Variants in PYGO2 observed in about 807,000 individuals in gnomAD.
PYGO2 encodes pygopus family PHD finger 2, also known as pygopus homolog 2.
PYGO2 carries 9 observed loss-of-function variants against 26.7 expected under a neutral mutation model. The ratio of observed to expected loss-of-function variants is 0.34; its 90% CI spans 0.20 to 0.59. The LOEUF is 0.59. Ranked by LOEUF, PYGO2 falls within the 20% of genes least tolerant of loss-of-function variation. The pLI is 0.84. For missense variants in PYGO2, 538 were observed against 561.5 expected (o/e 0.96, Z 0.42); for synonymous variants, 236 against 219.0 (o/e 1.08, Z -0.68).
In PYGO2 at chr1:154,958,772, A is replaced by G; in HGVS notation, c.*7T>C. 6.2e-7 allele frequency: 1 copy of G among 1,608,484 alleles called. No homozygotes were observed. Among genetic ancestry groups the G allele is most frequent in the East Asian group, 2.2e-5 (1 of 44,708 alleles). ...CATGTGCACTTCCCTGGGCCACTTC[A>G]CCAGCGTCACCCATCGTTAGCAGCC... On this transcript the variant is annotated 3_prime_UTR_variant, in exon 3 of 3. Transcript: ENST00000368457.
chr1:154,959,256 G>T lies in PYGO2; in HGVS notation c.744C>A (p.Asp248Glu), dbSNP rs201563839. ...PPNTSPFPGPDPGFPGPGGED... is the reference protein window; with the variant it reads ...PPNTSPFPGPEPGFPGPGGED... ...CACCACCAGGGCCAGGAAAGCCAGGGTCCGGACCAGGAAAGGGACTTGTGT... is the reference window on the plus strand; with the variant it reads ...CACCACCAGGGCCAGGAAAGCCAGGTTCCGGACCAGGAAAGGGACTTGTGT... The change falls in exon 3 of 3, where the codon GAC (aspartate) becomes GAA (glutamate). Residue 248 changes from aspartate (D) to glutamate (E), a missense_variant. Asp to Glu is a conservative substitution (Grantham distance 45, BLOSUM62 2). Transcript: ENST00000368457. This position sits in a 1 kb window ranked among gnomAD's most constrained non-coding sequence, Gnocchi z 4.7. 1.3e-6 allele frequency: 2 copies of T among 1,569,386 alleles called. No homozygotes were observed. The highest frequency in any genetic ancestry group is 1.9e-5 in the Admixed American group (1 of 53,218).
In PYGO2 at chr1:154,959,126, G is replaced by A; in HGVS notation, c.874C>T (p.Pro292Ser). 1 of 1,601,418 alleles carries A rather than the reference G, an allele frequency of 6.2e-7. No individual in the cohort carries two copies. The highest frequency in any genetic ancestry group is 8.5e-7 in the Non-Finnish European group (1 of 1,172,630). The change falls in exon 3 of 3, where the codon CCC becomes TCC. Residue 292 changes from proline to serine, a missense_variant. By Grantham distance (74) the Pro-to-Ser change is moderately conservative. Transcript: ENST00000368457. The surrounding 1 kb of genome is among the most constrained non-coding windows in gnomAD (Gnocchi z 4.7). ...CCACCCCGCCCACTGCTGTTCGGGG[G>A]GAAACTGGGCTGGTTCCCATTAACA... ...AAVNGNQPSF[P>S]PNSSGRGGGT...
At position 154,958,926 on chromosome 1, in the gene PYGO2, G is replaced by C; in HGVS notation, c.1074C>G (p.Cys358Trp). ...CATAGGCGCTCTCAGTCATGCCTGT[G>C]CACTCACGGTGGAACCATTTCTGGC... The part of the protein sequence containing the change: ...ASCQKWFHRE[C>W]TGMTESAYGL... Residue 358 changes from cysteine (C) to tryptophan (W), a missense_variant, in exon 3 of 3, where the codon TGC (cysteine) becomes TGG (tryptophan). Physicochemically the swap from Cys to Trp is radical, Grantham distance 215 (BLOSUM62 -2). Around this residue, in one of 4 missense-constraint regions of PYGO2, gnomAD observed 72 missense variants for 111.9 expected, o/e 0.64. Coordinates refer to ENST00000368457, the MANE Select transcript of PYGO2 (RefSeq NM_138300.4). 6.2e-7 allele frequency: 1 copy of C among 1,614,060 alleles called. No homozygotes were observed. The highest frequency in any genetic ancestry group is 8.5e-7 in the Non-Finnish European group (1 of 1,180,046).
At position 154,957,657 on chromosome 1, in the gene PYGO2, CTAAT is replaced by C. The variant is rs765675510; in HGVS notation, c.*1118_*1121del. 8 of 152,560 alleles carry C rather than the reference CTAAT, an allele frequency of 5.2e-5. No individual in the cohort carries two copies. Among genetic ancestry groups the C allele is most frequent in the Non-Finnish European group, 8.8e-5 (6 of 68,036 alleles). 9.5% of individuals were successfully genotyped at this position (152,560 alleles called of 1,614,324 possible). A position where few individuals can be genotyped will look rare whatever the true frequency, so the allele number is the denominator to read the frequency against. On this transcript the variant is annotated 3_prime_UTR_variant, in exon 3 of 3. Coordinates refer to ENST00000368457, the MANE Select transcript of PYGO2 (RefSeq NM_138300.4). The stretch of plus-strand genomic sequence containing the variant: ...CTTTGGCTGAGAGGAATGAGAATTG[CTAAT>C]TAATCACCAGGCCCAAGAGGATATG...
At position 154,958,665 on chromosome 1, in the gene PYGO2, G is replaced by A. The variant is rs1655249899; in HGVS notation, c.*114C>T. The A allele has an allele frequency of 1.2e-6, 1 of 847,996 alleles. No individual in the cohort carries two copies. The highest frequency in any genetic ancestry group is 1.7e-5 in the African/African-American group (1 of 59,118). 52.5% of individuals were successfully genotyped at this position (847,996 alleles called of 1,614,324 possible). On this transcript the variant is annotated 3_prime_UTR_variant, in exon 3 of 3. Transcript: ENST00000368457. ...TCTGCTCCCAGGAGCCACTGTTTCTGCCCCATGGGGATGGAAAGCCAGTGG... is the reference window on the plus strand; with the variant it reads ...TCTGCTCCCAGGAGCCACTGTTTCTACCCCATGGGGATGGAAAGCCAGTGG...
rs1655234882 is a variant in PYGO2 at position 154,957,928 on chromosome 1, G to C, written c.*851C>G. 6.5e-6 allele frequency: 1 copy of C among 152,742 alleles called. No homozygotes were observed. Among genetic ancestry groups the C allele is most frequent in the Non-Finnish European group, 1.5e-5 (1 of 68,044 alleles). The allele number at this position is 152,742 out of a possible 1,614,324, so 9.5% of individuals were successfully genotyped here. A position where few individuals can be genotyped will look rare whatever the true frequency, so the allele number is the denominator to read the frequency against. ...AACACACGGAGTATAATGTGCAACA[G>C]ATGGGCTGGGGGAGGAGGGTACCAC... On this transcript the variant is annotated 3_prime_UTR_variant, in exon 3 of 3. Coordinates refer to ENST00000368457, the MANE Select transcript of PYGO2 (RefSeq NM_138300.4).
rs1192994276 is a variant in PYGO2 at position 154,961,713 on chromosome 1, C to T, written c.-137G>A. ...CACAAAGTGCGACGACAGGGAAGCG[C>T]CGAGCCGCCGCGCAAACTGCGCGCT... is the stretch of plus-strand genomic sequence containing the variant. On this transcript the variant is annotated 5_prime_UTR_variant, in exon 1 of 3. Coordinates refer to ENST00000368457, the MANE Select transcript of PYGO2 (RefSeq NM_138300.4). 4.6e-6 allele frequency: 2 copies of T among 435,724 alleles called. No individual in the cohort carries two copies. The highest frequency in any genetic ancestry group is 4.1e-5 in the African/African-American group (2 of 48,626). The allele number at this position is 435,724 out of a possible 1,614,324, so 27.0% of individuals were successfully genotyped here. A position where few individuals can be genotyped will look rare whatever the true frequency, so the allele number is the denominator to read the frequency against.
At chr1:154,961,110 C>T (rs1655345401) in intron 1 of PYGO2, 84 bp from the exon 2 acceptor site, 1 of 1,277,516 alleles carries the variant, frequency 7.8e-7, no homozygotes, top group African/African-American at 1.5e-5. Flanking sequence ...CTCTGAGGAA[C>T]TCCTTTAACG....
Position 154,959,989 on chromosome 1 carries a change from G to A in PYGO2, c.154-143C>T. ...AAAATCAATATGGACCACAGGCCAG[G>A]TGCGGTGGCTCACGCCTGTAATCCC... On this transcript the variant is annotated intron_variant, in intron 2 of 2. Transcript: ENST00000368457. The surrounding 1 kb of genome is among the most constrained non-coding windows in gnomAD (Gnocchi z 4.7). 6.6e-6 allele frequency: 3 copies of A among 456,270 alleles called. No individual in the cohort carries two copies. Among genetic ancestry groups the A allele is most frequent in the Non-Finnish European group, 1.1e-5 (3 of 277,784 alleles). The allele number at this position is 456,270 out of a possible 1,614,324, so 28.3% of individuals were successfully genotyped here.
rs759786557 is a variant in PYGO2, at chr1:154,959,019, C to G, written c.981G>C (p.Val327=). The G allele has an allele frequency of 6.2e-7, 1 of 1,613,866 alleles. No individual in the cohort carries two copies. The highest frequency in any genetic ancestry group is 2.2e-5 in the East Asian group (1 of 44,884). ...CACTCCGACAGGCACCACATGGGTA[C>G]ACCAAGCCTGGGGGAGGCTGGGGCC... is the stretch of plus-strand genomic sequence containing the variant. The part of the protein sequence containing the change: ...GSGPQPPPGL[V]YPCGACRSEV... Residue 327 remains valine, a synonymous_variant, in exon 3 of 3, where the codon GTG becomes GTC. Coordinates refer to ENST00000368457, the MANE Select transcript of PYGO2 (RefSeq NM_138300.4). This position sits in a 1 kb window ranked among gnomAD's most constrained non-coding sequence, Gnocchi z 4.7.
chr1:154,961,724 C>G lies in PYGO2; in HGVS notation c.-148G>C. 2.3e-6 allele frequency: 1 copy of G among 433,974 alleles called. No homozygotes were observed. 26.9% of individuals were successfully genotyped at this position (433,974 alleles called of 1,614,324 possible). On this transcript the variant is annotated 5_prime_UTR_variant, in exon 1 of 3. Coordinates refer to ENST00000368457, the MANE Select transcript of PYGO2 (RefSeq NM_138300.4). ...ACGACAGGGAAGCGCCGAGCCGCCG[C>G]GCAAACTGCGCGCTCTCTCCAGACT...
rs945965134 is a variant in PYGO2 at position 154,957,081 on chromosome 1, C to G, written c.*1698G>C. On this transcript the variant is annotated 3_prime_UTR_variant, in exon 3 of 3. Transcript: ENST00000368457. ...CAGTACAAAAGACCCCCACCACCAC[C>G]GCATTCTGCCATCACTTTGTTCCAA... 1.3e-5 allele frequency: 2 copies of G among 152,456 alleles called. No homozygotes were observed. The highest frequency in any genetic ancestry group is 4.1e-4 in the South Asian group (2 of 4,832). The allele number at this position is 152,456 out of a possible 1,614,324, so 9.4% of individuals were successfully genotyped here.
rs146000501 is a variant in PYGO2 at position 154,961,372 on chromosome 1, T to A, written c.103+102A>T. ...CCATCCTTTTCACCTGAGCCTCCCT[T>A]CAAGCCTTCAGACTGTGAAACACCC... On this transcript the variant is annotated intron_variant, in intron 1 of 2. Transcript: ENST00000368457. The A allele has an allele frequency of 5.2e-4, 408 of 785,054 alleles. 3 individuals are homozygous for A. In the East Asian group the frequency reaches 0.011, roughly 21 times the overall value. 48.6% of individuals were successfully genotyped at this position (785,054 alleles called of 1,614,324 possible).
In PYGO2 at chr1:154,959,751, T is replaced by C; in HGVS notation, c.249A>G (p.Gly83=). The change falls in exon 3 of 3, where the codon GGA becomes GGG. Residue 83 remains glycine (G), a synonymous_variant. Transcript: ENST00000368457. This position sits in a 1 kb window ranked among gnomAD's most constrained non-coding sequence, Gnocchi z 4.7. ...GGGCTGCAACCCCCACTTTGGGGGCTCCGAAGTCATCTTCAAAAGGGTTGG... is the reference window on the plus strand; with the variant it reads ...GGGCTGCAACCCCCACTTTGGGGGCCCCGAAGTCATCTTCAAAAGGGTTGG... ...VASNPFEDDF[G]APKVGVAAPP... The C allele has an allele frequency of 7.2e-7, 1 of 1,394,344 alleles. No individual in the cohort carries two copies. Among genetic ancestry groups the C allele is most frequent in the African/African-American group, 1.5e-5 (1 of 67,454 alleles). The allele number at this position is 1,394,344 out of a possible 1,614,324, so 86.4% of individuals were successfully genotyped here. A position where few individuals can be genotyped will look rare whatever the true frequency, so the allele number is the denominator to read the frequency against.
At chr1:154,960,181 C>T (rs1188430462) in intron 2 of PYGO2, among the ~76,000 whole-genome samples, 12 of 149,896 alleles carry the variant, frequency 8.0e-5, no homozygotes, top group South Asian at 4.2e-4. Flanking sequence ...AGGAGAATGG[C>T]GTGAACCCAG....
Position 154,961,035 on chromosome 1 carries a change from G to C in PYGO2, c.104-9C>G. ...ACTCTTCATTTGCAGACCTGGAAGAGCGGCAAAAGGAAGACGCAGACAAGT... is the reference window on the plus strand; with the variant it reads ...ACTCTTCATTTGCAGACCTGGAAGACCGGCAAAAGGAAGACGCAGACAAGT... On this transcript the variant is annotated splice_polypyrimidine_tract_variant and intron_variant, in intron 1 of 2. Coordinates refer to ENST00000368457, the MANE Select transcript of PYGO2 (RefSeq NM_138300.4). 1 of 1,610,828 alleles carries C rather than the reference G, an allele frequency of 6.2e-7. No individual in the cohort carries two copies. The highest frequency in any genetic ancestry group is 2.2e-5 in the East Asian group (1 of 44,818).
Position 154,959,171 on chromosome 1 carries a change from A to C in PYGO2, c.829T>G (p.Ser277Ala). 6.3e-7 allele frequency: 1 copy of C among 1,585,830 alleles called. No homozygotes were observed. The highest frequency in any genetic ancestry group is 8.6e-7 in the Non-Finnish European group (1 of 1,164,990). Residue 277 changes from serine (S) to alanine (A), a missense_variant, in exon 3 of 3, where the codon TCA becomes GCA. Transcript: ENST00000368457. The surrounding 1 kb of genome is among the most constrained non-coding windows in gnomAD (Gnocchi z 4.7). The part of the protein sequence containing the change: ...ASTAFPQEPH[S>A]GSPAAAVNGN... ...TTAACAGCAGCAGCCGGGGAGCCTG[A>C]GTGGGGCTCCTGGGGAAAAGCAGTA...
rs1352834313 is a variant in PYGO2 at position 154,958,859 on chromosome 1, G to A, written c.1141C>T (p.Leu381Phe). 1 of 1,614,032 alleles carries A rather than the reference G, an allele frequency of 6.2e-7. No individual in the cohort carries two copies. Among genetic ancestry groups the A allele is most frequent in the South Asian group, 1.1e-5 (1 of 91,088 alleles). Residue 381 changes from leucine (L) to phenylalanine (F), a missense_variant, in exon 3 of 3, where the codon CTC becomes TTC. This residue lies in a region of PYGO2 where 72 missense variants were observed against 111.9 expected (regional missense o/e 0.64). Transcript: ENST00000368457. ...TGGATCTCCTTGGTCTTGAGGCAGA[G>A]ATCGCAGGCCCAGACGGCAGAAGCT... ...TEASAVWACD[L>F]CLKTKEIQSV...
chr1:154,958,993 T>A lies in PYGO2; in HGVS notation c.1007A>T (p.Glu336Val), dbSNP rs1429071945. Residue 336 changes from glutamate (E) to valine (V), a missense_variant, in exon 3 of 3, where the codon GAG (glutamate) becomes GTG (valine). Physicochemically the swap from Glu to Val is moderately radical, Grantham distance 121. Coordinates refer to ENST00000368457, the MANE Select transcript of PYGO2 (RefSeq NM_138300.4). ...AATGGCATCCTGGTCATCGTTCACC[T>A]CACTCCGACAGGCACCACATGGGTA... is the stretch of plus-strand genomic sequence containing the variant. The part of the protein sequence containing the change: ...LVYPCGACRS[E>V]VNDDQDAILC... 1 of 1,613,870 alleles carries A rather than the reference T, an allele frequency of 6.2e-7. No individual in the cohort carries two copies. The highest frequency in any genetic ancestry group is 1.7e-5 in the Admixed American group (1 of 60,016).
Sources: allele counts gnomAD v4.1 joint callset (sites outside exome capture counted in the v4.1 genomes callset), GRCh38; gene constraint gnomAD v4.1.1; regional missense constraint gnomAD v4.1.1; non-coding constraint Gnocchi (gnomAD v3.1); transcripts MANE v1.5; gene names NCBI Gene and HGNC (gene_info 2026-07-23, HGNC 2026-07-21).